KLHL14: variants seen among roughly 807,000 people sequenced by gnomAD.
The protein encoded by KLHL14 is kelch-like protein 14.
In KLHL14, 22 loss-of-function variants were observed where a neutral mutation model predicts 64.3. The ratio of observed to expected loss-of-function variants is 0.34; its 90% CI spans 0.24 to 0.49. KLHL14 has a LOEUF of 0.49. KLHL14 is among the 20% of genes least tolerant of loss of function. The pLI is 0.99. For synonymous variants in KLHL14, 322 were observed against 333.4 expected (o/e 0.97, Z 0.37); for missense variants, 661 against 789.0 (o/e 0.84, Z 1.94).
chr18:32,770,659 G>A lies in KLHL14; in HGVS notation c.-43-25C>T, dbSNP rs2050378874. 1.9e-6 allele frequency: 2 copies of A among 1,055,684 alleles called. No individual in the cohort carries two copies. Among genetic ancestry groups the A allele is most frequent in the Non-Finnish European group, 2.6e-6 (2 of 763,998 alleles). The allele number at this position is 1,055,684 out of a possible 1,614,324, so 65.4% of individuals were successfully genotyped here. A position where few individuals can be genotyped will look rare whatever the true frequency, so the allele number is the denominator to read the frequency against. On this transcript the variant is annotated intron_variant, in intron 1 of 8. Coordinates refer to ENST00000359358, the MANE Select transcript of KLHL14 (RefSeq NM_020805.3). The surrounding 1 kb of genome is among the most constrained non-coding windows in gnomAD (Gnocchi z 6.7). ...CCTGGCAGACAGGGGTGGGGGATGG[G>A]AGGGAGGGGAGCAGGGTGGTGGAGC... is the stretch of plus-strand genomic sequence containing the variant.
intron 5 of KLHL14, among the ~76,000 whole-genome samples, chr18:32,681,335 T>C (rs2144466873): frequency 6.6e-6 from 1 of 152,292 alleles, no homozygotes; most frequent in East Asian, 1.9e-4. Flanking sequence ...TCCTAAAATA[T>C]GCCATAATTT....
At position 32,766,248 on chromosome 18, in the gene KLHL14, A is replaced by T. The variant is rs184916844; in HGVS notation, c.947+3397T>A. Among the ~76,000 whole-genome samples the T allele has an allele frequency of 5.3e-5, 8 of 152,194 alleles. No individual in the cohort carries two copies. In the East Asian group the frequency reaches 1.5e-3, roughly 29 times the overall value. Reference sequence around the variant, plus strand: ...TCTAATCCAATTTGATTTATTTGGGATAATTGCTAAATTATACATTAAAAT... The same window carrying T: ...TCTAATCCAATTTGATTTATTTGGGTTAATTGCTAAATTATACATTAAAAT... On this transcript the variant is annotated intron_variant, in intron 2 of 8. Transcript: ENST00000359358.
intron 7 of KLHL14, among the ~76,000 whole-genome samples, chr18:32,678,222 G>A (rs330330): frequency 0.64 from 97,409 of 151,898 alleles, 32,334 homozygotes; most frequent in East Asian, 0.73. Context: ...TGGGAGCTTC[G>A]TGCTCACCAA....
At chr18:32,705,958 A>G (rs1218675720) in intron 3 of KLHL14, among the ~76,000 whole-genome samples, 1 of 152,194 alleles carries the variant, frequency 6.6e-6, no homozygotes, top group Non-Finnish European at 1.5e-5. Flanking sequence ...TGACATGTGG[A>G]GCCACCTAAT....
At chr18:32,731,050 C>A (rs775917032) in intron 3 of KLHL14, among the ~76,000 whole-genome samples, 21 of 152,080 alleles carry the variant, frequency 1.4e-4, no homozygotes, top group Non-Finnish European at 2.4e-4. Flanking sequence ...CTTGCTCCAT[C>A]GGAAACACTT....
At chr18:32,729,232 G>A (rs1473799070) in intron 3 of KLHL14, among the ~76,000 whole-genome samples, 1 of 152,192 alleles carries the variant, frequency 6.6e-6, no homozygotes, top group Admixed American at 6.5e-5. Flanking sequence ...GTAGGGAGAT[G>A]GGGAGGGTGA....
chr18:32,725,678 A>G (rs1223430237), intron 3 of KLHL14, among the ~76,000 whole-genome samples: 13 of 152,228 alleles, frequency 8.5e-5, no homozygotes, highest in Non-Finnish European at 1.8e-4. Flanking sequence ...AGGTAGACAT[A>G]ATATCTGCCC....
At chr18:32,712,339 C>T (rs552074834) in intron 3 of KLHL14, among the ~76,000 whole-genome samples, 1 of 152,300 alleles carries the variant, frequency 6.6e-6, no homozygotes, top group African/African-American at 2.4e-5. Flanking sequence ...AAAATATAAA[C>T]ATTTAGAAAA....
chr18:32,729,062 A>C (rs9957809), intron 3 of KLHL14, among the ~76,000 whole-genome samples: 44,930 of 152,082 alleles, frequency 0.3, 6,900 homozygotes, highest in African/African-American at 0.37. Flanking sequence ...GGAAACGAAT[A>C]CTACAGGTAA....
intron 4 of KLHL14, among the ~76,000 whole-genome samples, chr18:32,693,407 CACACACAGAGAGAGAGAG>C (rs1041166760): frequency 8.3e-6 from 1 of 119,794 alleles, no homozygotes; most frequent in African/African-American, 3.3e-5. Flanking sequence ...CACACACACA[CACACACAGAGAGAGAGAG>C]AGAGAGAGAG....
At chr18:32,714,748 A>G (rs11873545) in intron 3 of KLHL14, among the ~76,000 whole-genome samples, 6,885 of 152,204 alleles carry the variant, frequency 0.045, 537 homozygotes, top group African/African-American at 0.16. Flanking sequence ...GATGGTGTAC[A>G]CTGTTCTTTG....
rs561825968 is a variant in KLHL14 at position 32,716,992 on chromosome 18, G to A, written c.1070-21440C>T. On this transcript the variant is annotated intron_variant, in intron 3 of 8. Transcript: ENST00000359358. ...GGGCCTATAAGAGAAAGGCCAACTCGGAATGAGATTGAAATATCCTCTCTC... is the reference window on the plus strand; with the variant it reads ...GGGCCTATAAGAGAAAGGCCAACTCAGAATGAGATTGAAATATCCTCTCTC... 2.6e-4 allele frequency among the ~76,000 whole-genome samples: 40 copies of A among 152,170 alleles called. 1 individual carries two copies. In the South Asian group the frequency reaches 5.6e-3, roughly 21 times the overall value.
intron 2 of KLHL14, among the ~76,000 whole-genome samples, chr18:32,761,393 C>CTTTT (rs10676001): frequency 0.46 from 58,544 of 126,468 alleles, 14,414 homozygotes; most frequent in African/African-American, 0.54. Flanking sequence ...GCCACACATC[C>CTTTT]TTTTTTTTTT....
chr18:32,710,958 G>GAATTCCAC (rs2050016192), intron 3 of KLHL14, among the ~76,000 whole-genome samples: 1 of 152,134 alleles, frequency 6.6e-6, no homozygotes, highest in African/African-American at 2.4e-5. Context: ...GGAGGTCCCT[G>GAATTCCAC]AATTCCACAA....
At chr18:32,748,884 ATAT>A (rs2050238286) in intron 2 of KLHL14, among the ~76,000 whole-genome samples, 1 of 151,982 alleles carries the variant, frequency 6.6e-6, no homozygotes, top group Admixed American at 6.5e-5. Context: ...AAAAGATATA[ATAT>A]ATGTAAAGCA....
At position 32,770,630 on chromosome 18, in the gene KLHL14, C is replaced by T; in HGVS notation, c.-39G>A. 6.7e-7 allele frequency: 1 copy of T among 1,491,882 alleles called. No individual in the cohort carries two copies. The highest frequency in any genetic ancestry group is 2.4e-5 in the East Asian group (1 of 41,774). The allele number at this position is 1,491,882 out of a possible 1,614,324, so 92.4% of individuals were successfully genotyped here. On this transcript the variant is annotated 5_prime_UTR_variant, in exon 2 of 9. Coordinates refer to ENST00000359358, the MANE Select transcript of KLHL14 (RefSeq NM_020805.3). The surrounding 1 kb of genome is among the most constrained non-coding windows in gnomAD (Gnocchi z 6.7). ...GGTGCACCTGGCTTTAAACCCTCCTCCAACCTGGCAGACAGGGGTGGGGGA... is the reference window on the plus strand; with the variant it reads ...GGTGCACCTGGCTTTAAACCCTCCTTCAACCTGGCAGACAGGGGTGGGGGA...
At chr18:32,755,940 T>C (rs2050279428) in intron 2 of KLHL14, among the ~76,000 whole-genome samples, 1 of 152,226 alleles carries the variant, frequency 6.6e-6, no homozygotes, top group South Asian at 2.1e-4. Flanking sequence ...ACTGTTCAGC[T>C]GCCTAGATAA....
intron 3 of KLHL14, among the ~76,000 whole-genome samples, chr18:32,717,731 T>A (rs2050053380): frequency 6.6e-6 from 1 of 152,200 alleles, no homozygotes; most frequent in Admixed American, 6.5e-5. Flanking sequence ...AGAACTTCCC[T>A]TGAATCTCTC....
intron 2 of KLHL14, among the ~76,000 whole-genome samples, chr18:32,764,160 T>G (rs1176660267): frequency 6.6e-6 from 1 of 152,222 alleles, no homozygotes; most frequent in African/African-American, 2.4e-5. Flanking sequence ...AAATAGTGTG[T>G]TAAATATACT....
Sources: gnomAD v4.1 joint callset for allele counts (sites outside exome capture counted in the v4.1 genomes callset) on GRCh38, gnomAD v4.1.1 for gene constraint, Gnocchi (gnomAD v3.1) non-coding constraint, MANE v1.5 for transcripts, NCBI Gene and HGNC (gene_info 2026-07-23, HGNC 2026-07-21) for gene names.